The following MST1R variants were observed in gnomAD, a reference collection of about 807,000 sequenced individuals.
MST1R encodes macrophage stimulating 1 receptor, also known as macrophage-stimulating protein receptor.
A neutral mutation model predicts 117.8 loss-of-function variants in MST1R; 99 were observed. The observed-to-expected ratio is 0.84, with a 90% confidence interval of 0.71 to 0.99. The LOEUF (loss-of-function observed/expected upper bound fraction) is 0.99, where lower values mean the gene tolerates loss of function less well. Among genes scored for constraint, MST1R ranks in the 50% least tolerant of loss-of-function variants. MST1R has a pLI of 0.00. For synonymous variants in MST1R, 734 were observed against 765.3 expected (o/e 0.96, Z 0.68); for missense variants, 1,683 against 1,840.2 (o/e 0.91, Z 1.56).
At chr3:49,889,191 GTAAATCCCCGTACA>G (rs2108364376) in intron 19 of MST1R, among the ~76,000 whole-genome samples, 1 of 152,274 alleles carries the variant, frequency 6.6e-6, no homozygotes, top group African/African-American at 2.4e-5. Context: ...CAACCTCTCA[GTAAATCCCCGTACA>G]TAAATCTCCA....
chr3:49,891,748 C>A lies in MST1R; in HGVS notation c.3352+10G>T, dbSNP rs750872927. On this transcript the variant is annotated intron_variant, in intron 15 of 19. Transcript: ENST00000296474. ...CCTCCCTCTGCCTTCCCATCTTCTGCCCCACTTACGACTTAGTGACTTGAT... is the reference window on the plus strand; with the variant it reads ...CCTCCCTCTGCCTTCCCATCTTCTGACCCACTTACGACTTAGTGACTTGAT... 6 of 1,613,880 alleles carry A rather than the reference C, an allele frequency of 3.7e-6. No homozygotes were observed. In the Admixed American group the frequency reaches 1.0e-4, roughly 27 times the overall value.
At chr3:49,897,799 G>A (rs2108461411) in intron 5 of MST1R, 114 bp from the exon 6 acceptor site, 2 of 1,382,436 alleles carry the variant, frequency 1.4e-6, no homozygotes, top group East Asian at 2.5e-5. Context: ...CTCCACCCAT[G>A]CCTCCCTCCA....
chr3:49,898,168 G>A lies in MST1R; in HGVS notation c.1763C>T (p.Thr588Ile). ...SGPLRGSTRL[T>I]LCGSNFYLHP... Reference sequence around the variant, plus strand: ...AAGGTAGAAGTTGGAGCCACACAGGGTCAGCCTTGTACTGCCCCTTAGAGG... The same window carrying A: ...AAGGTAGAAGTTGGAGCCACACAGGATCAGCCTTGTACTGCCCCTTAGAGG... Residue 588 changes from threonine (T) to isoleucine (I), a missense_variant, in exon 5 of 20, where the codon ACC becomes ATC. Transcript: ENST00000296474. The A allele has an allele frequency of 1.2e-6, 2 of 1,613,880 alleles. No individual in the cohort carries two copies. The highest frequency in any genetic ancestry group is 1.1e-5 in the South Asian group (1 of 91,096).
intron 14 of MST1R, among the ~76,000 whole-genome samples, chr3:49,892,468 A>G (rs1575428045): frequency 6.6e-6 from 1 of 151,698 alleles, no homozygotes; most frequent in Admixed American, 6.6e-5. Flanking sequence ...CAGAGGTTGC[A>G]GTGAGCCAAG....
chr3:49,897,160 G>A, intron 7 of MST1R, 120 bp downstream of exon 7: 3 of 1,411,206 alleles, frequency 2.1e-6, no homozygotes, highest in Middle Eastern at 2.2e-4. Context: ...TTTCTTCCTG[G>A]ACCTGCTCTC....
At position 49,890,568 on chromosome 3, in the gene MST1R, G is replaced by C. The variant is rs754286516; in HGVS notation, c.3727C>G (p.Gln1243Glu). The C allele has an allele frequency of 5.0e-6, 8 of 1,614,010 alleles. No individual in the cohort carries two copies. The highest frequency in any genetic ancestry group is 1.6e-4 in the Middle Eastern group (1 of 6,082). ...ILDREYYSVQ[Q>E]HRHARLPVKW... ...ACAGGTAGGCGAGCGTGGCGATGCT[G>C]TTGAACACTATAGTACTCCCTGTCC... Residue 1243 changes from glutamine (Q) to glutamate (E), a missense_variant, in exon 18 of 20, where the codon CAG becomes GAG. Gln to Glu is a conservative substitution (Grantham distance 29). Transcript: ENST00000296474.
chr3:49,891,455 G>C lies in MST1R; in HGVS notation c.3478C>G (p.Leu1160Val). The C allele has an allele frequency of 6.2e-7, 1 of 1,614,006 alleles. No homozygotes were observed. The highest frequency in any genetic ancestry group is 1.1e-5 in the South Asian group (1 of 91,084). Residue 1160 changes from leucine to valine, a missense_variant, in exon 16 of 20, where the codon CTG becomes GTG. Coordinates refer to ENST00000296474, the MANE Select transcript of MST1R (RefSeq NM_002447.4). ...MLPPEGLPHV[L>V]LPYMCHGDLL... is the part of the protein sequence containing the mutation. ...TCACCGTGGCACATATAGGGCAGCA[G>C]CACATGGGGCAGGCCCTCAGGTGGC...
At position 49,887,403 on chromosome 3, in the gene MST1R, A is replaced by G; in HGVS notation, c.4107T>C (p.His1369=). ...GCTGTTCTGGACGCACATTCATCTC[A>G]TGCGAGGTGCTGGGGCCCAAGTTCA... The part of the protein sequence containing the change: ...TYMNLGPSTS[H]EMNVRPEQPQ... The change falls in exon 20 of 20, where the codon CAT becomes CAC. Residue 1369 remains histidine (H), a synonymous_variant. Transcript: ENST00000296474. 6.2e-7 allele frequency: 1 copy of G among 1,614,162 alleles called. No homozygotes were observed. Among genetic ancestry groups the G allele is most frequent in the Non-Finnish European group, 8.5e-7 (1 of 1,179,992 alleles).
At position 49,889,917 on chromosome 3, in the gene MST1R, T is replaced by C; in HGVS notation, c.3947+7A>G. 1 of 1,613,994 alleles carries C rather than the reference T, an allele frequency of 6.2e-7. No individual in the cohort carries two copies. The highest frequency in any genetic ancestry group is 1.3e-5 in the African/African-American group (1 of 75,016). ...TTCCCTCCCCACTACCACCTCCACATACTCACAGAGAATCAGGGCAATACT... is the reference window on the plus strand; with the variant it reads ...TTCCCTCCCCACTACCACCTCCACACACTCACAGAGAATCAGGGCAATACT... On this transcript the variant is annotated splice_region_variant and intron_variant, in intron 19 of 19. Transcript: ENST00000296474.
chr3:49,903,147 C>T lies in MST1R; in HGVS notation c.463G>A (p.Val155Met), dbSNP rs776668243. 1.9e-6 allele frequency: 3 copies of T among 1,604,194 alleles called. No homozygotes were observed. The highest frequency in any genetic ancestry group is 2.5e-6 in the Non-Finnish European group (3 of 1,179,992). Reference sequence around the variant, plus strand: ...AGGCAGGCTGGCGCTGCCAGATGCACGGCTGTCCCTTGGGGCTCTAGGTCA... The same window carrying T: ...AGGCAGGCTGGCGCTGCCAGATGCATGGCTGTCCCTTGGGGCTCTAGGTCA... ...LHDLEPQGTA[V>M]HLAAPACLFS... The change falls in exon 1 of 20, where the codon GTG (valine) becomes ATG (methionine). Residue 155 changes from valine to methionine, a missense_variant. By Grantham distance (21) the Val-to-Met change is conservative. Coordinates refer to ENST00000296474, the MANE Select transcript of MST1R (RefSeq NM_002447.4).
rs569038075 is a variant in MST1R at position 49,888,360 on chromosome 3, C to T, written c.3948-798G>A. Among the ~76,000 whole-genome samples, 16 of 149,214 alleles carry T rather than the reference C, an allele frequency of 1.1e-4. No homozygotes were observed. In the East Asian group the frequency reaches 2.4e-3, roughly 22 times the overall value. On this transcript the variant is annotated intron_variant, in intron 19 of 19. Coordinates refer to ENST00000296474, the MANE Select transcript of MST1R (RefSeq NM_002447.4). ...CTGAGGCAGGAGAATGGCGTGAACC[C>T]GGGAGGCGGAGCTTGCAGTGAGCCG...
intron 17 of MST1R, 61 bp from the exon 18 acceptor site, chr3:49,890,711 G>T: frequency 1.3e-6 from 2 of 1,491,312 alleles, no homozygotes; most frequent in South Asian, 1.3e-5. Context: ...GAACCCACCT[G>T]TTCTAGGCCC....
rs768905618 is a variant in MST1R at position 49,896,420 on chromosome 3, TGA to T, written c.2440-18_2440-17del. The T allele has an allele frequency of 3.7e-6, 6 of 1,609,000 alleles. No homozygotes were observed. The African/African-American group carries it at 8.0e-5, about 21-fold the overall frequency. On this transcript the variant is annotated splice_polypyrimidine_tract_variant and intron_variant, in intron 9 of 19. Transcript: ENST00000296474. ...GCCTCTCACACTGCTGGGACCAATA[TGA>T]GAGTGATTAGCCAGGAACCCCACCT...
In MST1R at chr3:49,898,562, G is replaced by A; in HGVS notation, c.1675C>T (p.Pro559Ser). Residue 559 changes from proline (P) to serine (S), a missense_variant, in exon 4 of 20, where the codon CCT becomes TCT. Pro to Ser is a moderately conservative substitution (Grantham distance 74). Coordinates refer to ENST00000296474, the MANE Select transcript of MST1R (RefSeq NM_002447.4). ...GNMCGQQKECPGSWQQDHCPP... is the reference protein window; with the variant it reads ...GNMCGQQKECSGSWQQDHCPP... Reference sequence around the variant, plus strand: ...CAGTGGTCCTGTTGCCAGGAGCCAGGACACTCCTTCTGCTGGCCGCACATG... The same window carrying A: ...CAGTGGTCCTGTTGCCAGGAGCCAGAACACTCCTTCTGCTGGCCGCACATG... The A allele has an allele frequency of 6.2e-7, 1 of 1,614,048 alleles. No individual in the cohort carries two copies. The highest frequency in any genetic ancestry group is 8.5e-7 in the Non-Finnish European group (1 of 1,180,038).
chr3:49,898,293 T>C, intron 4 of MST1R, 82 bp from the exon 5 acceptor site: 1 of 1,567,014 alleles, frequency 6.4e-7, no homozygotes, highest in Non-Finnish European at 8.7e-7. Flanking sequence ...TCTCCTGCCA[T>C]ACCCCTTGCC....
In MST1R at chr3:49,903,610, C is replaced by G. The variant is rs780860438; in HGVS notation, c.-1G>C. 66 of 1,556,238 alleles carry G rather than the reference C, an allele frequency of 4.2e-5. No individual in the cohort carries two copies. The highest frequency in any genetic ancestry group is 5.4e-5 in the Non-Finnish European group (63 of 1,157,352). On this transcript the variant is annotated 5_prime_UTR_variant, in exon 1 of 20. Coordinates refer to ENST00000296474, the MANE Select transcript of MST1R (RefSeq NM_002447.4). ...GAGGCAGCGGCGGGAGGAGCTCCAT[C>G]GAGGCGAGCTGGGACCCTAGAGGAT...
In MST1R at chr3:49,897,604, G is replaced by T. The variant is rs750188753; in HGVS notation, c.1962C>A (p.Asn654Lys). The T allele has an allele frequency of 6.2e-7, 1 of 1,614,170 alleles. No homozygotes were observed. Among genetic ancestry groups the T allele is most frequent in the South Asian group, 1.1e-5 (1 of 91,088 alleles). Residue 654 changes from asparagine (N) to lysine (K), a missense_variant, in exon 6 of 20, where the codon AAC becomes AAA. Coordinates refer to ENST00000296474, the MANE Select transcript of MST1R (RefSeq NM_002447.4). ...GCATGTTAGTCACGGTGAGGCTGAC[G>T]TTGGTAGGCCCCACTGCCTGGGTGC... ...PLGTQAVGPT[N>K]VSLTVTNMPP... is the part of the protein sequence containing the mutation.
At chr3:49,896,163 C>A in intron 10 of MST1R, 32 bp downstream of exon 10, 1 of 1,614,184 alleles carries the variant, frequency 6.2e-7, no homozygotes, top group Non-Finnish European at 8.5e-7. Context: ...TTCAGATCCC[C>A]AACTGTCCCT....
In MST1R at chr3:49,897,328, C is replaced by A; in HGVS notation, c.2135G>T (p.Gly712Val). The A allele has an allele frequency of 6.2e-7, 1 of 1,613,780 alleles. No homozygotes were observed. The highest frequency in any genetic ancestry group is 2.2e-5 in the East Asian group (1 of 44,878). ...ATTGACCAGCACAGCCCGGCTGGTG[C>A]CTACAGACAGACTCTGGCCTTCAAG... ...LTLEGQSLSV[G>V]TSRAVLVNGT... Residue 712 changes from glycine (G) to valine (V), a missense_variant, in exon 7 of 20, where the codon GGC becomes GTC. Physicochemically the swap from Gly to Val is moderately radical, Grantham distance 109 (BLOSUM62 -3). Coordinates refer to ENST00000296474, the MANE Select transcript of MST1R (RefSeq NM_002447.4).
Sources: allele counts gnomAD v4.1 joint callset (sites outside exome capture counted in the v4.1 genomes callset), GRCh38; gene constraint gnomAD v4.1.1; transcripts MANE v1.5; gene names NCBI Gene and HGNC (gene_info 2026-07-23, HGNC 2026-07-21).